SPIDR: variants seen among roughly 807,000 people sequenced by gnomAD.
SPIDR encodes the protein DNA repair-scaffolding protein.
SPIDR carries 93 observed loss-of-function variants against 104.6 expected under a neutral mutation model. That is an observed-to-expected ratio of 0.89 (90% CI 0.75 to 1.06). SPIDR has a LOEUF of 1.06. SPIDR is among the 50% of genes least tolerant of loss of function. SPIDR has a pLI of 0.00. For missense variants in SPIDR, 1,154 were observed against 1,111.2 expected, an observed-to-expected ratio of 1.04 and a Z score of -0.55; for synonymous variants, 431 against 416.9, an observed-to-expected ratio of 1.03 and a Z score of -0.41.
intron 7 of SPIDR, among the ~76,000 whole-genome samples, chr8:47,422,595 C>T (rs553502762): frequency 6.6e-6 from 1 of 152,234 alleles, no homozygotes; most frequent in Non-Finnish European, 1.5e-5. Flanking sequence ...GGCTCACGCT[C>T]TTTGTGCTGC....
At chr8:47,500,858 T>TA (rs1246399982) in intron 8 of SPIDR, among the ~76,000 whole-genome samples, 1 of 152,240 alleles carries the variant, frequency 6.6e-6, no homozygotes, top group Non-Finnish European at 1.5e-5. Flanking sequence ...GCTTTCTACA[T>TA]ATGGCTAGCC....
intron 5 of SPIDR, among the ~76,000 whole-genome samples, chr8:47,298,994 G>A (rs1430714197): frequency 6.6e-6 from 1 of 152,198 alleles, no homozygotes; most frequent in African/African-American, 2.4e-5. Flanking sequence ...TGTGCAGAAA[G>A]TCATTGGTAG....
At chr8:47,495,143 A>G (rs1240424081) in intron 8 of SPIDR, among the ~76,000 whole-genome samples, 50 of 152,074 alleles carry the variant, frequency 3.3e-4, no homozygotes, top group Admixed American at 3.3e-3. Flanking sequence ...CATGGCAACA[A>G]TATTGCCACC....
At chr8:47,488,482 A>T (rs1190888358) in intron 8 of SPIDR, among the ~76,000 whole-genome samples, 1 of 152,192 alleles carries the variant, frequency 6.6e-6, no homozygotes, top group Non-Finnish European at 1.5e-5. Context: ...AAAAGAGGGA[A>T]TCCTCCTTAA....
chr8:47,640,129 G>A (rs1198096263), intron 10 of SPIDR, among the ~76,000 whole-genome samples: 3 of 152,168 alleles, frequency 2.0e-5, no homozygotes, highest in African/African-American at 7.2e-5. Flanking sequence ...ACTTAGTGTG[G>A]GCTGCAAGCT....
intron 5 of SPIDR, among the ~76,000 whole-genome samples, chr8:47,310,298 C>A (rs1213882112): frequency 6.8e-6 from 1 of 146,664 alleles, no homozygotes; most frequent in African/African-American, 2.5e-5. Flanking sequence ...CGCGCCGCTG[C>A]ACTCCAGCCT....
intron 8 of SPIDR, among the ~76,000 whole-genome samples, chr8:47,491,613 T>C (rs912359018): frequency 5.9e-5 from 9 of 151,952 alleles, no homozygotes; most frequent in African/African-American, 2.2e-4. Context: ...ACAAATACAG[T>C]AAACGTGCTG....
At chr8:47,531,408 C>A (rs960068492) in intron 8 of SPIDR, among the ~76,000 whole-genome samples, 1 of 152,180 alleles carries the variant, frequency 6.6e-6, no homozygotes, top group Non-Finnish European at 1.5e-5. Flanking sequence ...GCCTGAGGCT[C>A]TTCTTGAGGA....
At chr8:47,517,549 T>G (rs2083353546) in intron 8 of SPIDR, among the ~76,000 whole-genome samples, 1 of 152,196 alleles carries the variant, frequency 6.6e-6, no homozygotes, top group Non-Finnish European at 1.5e-5. Flanking sequence ...TACACAATAT[T>G]CTGTTGATAT....
intron 8 of SPIDR, among the ~76,000 whole-genome samples, chr8:47,541,168 C>T (rs566142876): frequency 1.7e-4 from 26 of 152,352 alleles, no homozygotes; most frequent in Non-Finnish European, 5.9e-5. Context: ...CCAATTAACA[C>T]TCTTAAAAGA....
At chr8:47,340,762 G>A (rs1408623779) in intron 5 of SPIDR, among the ~76,000 whole-genome samples, 1 of 152,208 alleles carries the variant, frequency 6.6e-6, no homozygotes, top group Non-Finnish European at 1.5e-5. Context: ...GGTCACTGAT[G>A]TAATCAATCA....
At chr8:47,464,734 G>A (rs1014801285) in intron 8 of SPIDR, among the ~76,000 whole-genome samples, 4 of 150,992 alleles carry the variant, frequency 2.6e-5, no homozygotes, top group Non-Finnish European at 5.9e-5. Context: ...TCCTTGCCTC[G>A]CCTCACCTTG....
intron 8 of SPIDR, among the ~76,000 whole-genome samples, chr8:47,552,764 A>G (rs1455675822): frequency 6.6e-6 from 1 of 152,142 alleles, no homozygotes; most frequent in Non-Finnish European, 1.5e-5. Context: ...ATTTACATTT[A>G]AGGTTAATAT....
intron 10 of SPIDR, among the ~76,000 whole-genome samples, chr8:47,632,636 C>T (rs918492652): frequency 1.3e-5 from 2 of 152,160 alleles, no homozygotes; most frequent in Non-Finnish European, 2.9e-5. Flanking sequence ...TCCCACTGCA[C>T]AGCATTTCAG....
At chr8:47,657,062 T>C (rs2072962533) in intron 10 of SPIDR, among the ~76,000 whole-genome samples, 1 of 152,168 alleles carries the variant, frequency 6.6e-6, no homozygotes, top group Admixed American at 6.5e-5. Context: ...ATGATAAAAA[T>C]ATCCTGGAAT....
chr8:47,506,217 A>G (rs1022740053), intron 8 of SPIDR, among the ~76,000 whole-genome samples: 1 of 152,316 alleles, frequency 6.6e-6, no homozygotes, highest in South Asian at 2.1e-4. Flanking sequence ...GGCAGCTACT[A>G]GACAGTTCAG....
chr8:47,451,592 A>G (rs2071745579), intron 8 of SPIDR, among the ~76,000 whole-genome samples: 1 of 151,734 alleles, frequency 6.6e-6, no homozygotes, highest in African/African-American at 2.4e-5. Context: ...ACACACACAC[A>G]CACACACACA....
At chr8:47,312,145 G>A (rs2090182628) in intron 5 of SPIDR, among the ~76,000 whole-genome samples, 1 of 152,308 alleles carries the variant, frequency 6.6e-6, no homozygotes, top group African/African-American at 2.4e-5. Flanking sequence ...TTGGTTCCAA[G>A]TCTTTGCTAT....
At chr8:47,298,136 T>C (rs914216751) in intron 5 of SPIDR, among the ~76,000 whole-genome samples, 7 of 152,220 alleles carry the variant, frequency 4.6e-5, no homozygotes, top group Admixed American at 6.5e-5. Flanking sequence ...CCTGACTTTT[T>C]AATGATTGCC....
Sources: allele counts gnomAD v4.1 joint callset (sites outside exome capture counted in the v4.1 genomes callset), GRCh38; gene constraint gnomAD v4.1.1; transcripts MANE v1.5; gene names NCBI Gene and HGNC (gene_info 2026-07-23, HGNC 2026-07-21).